APP: variants seen among roughly 807,000 people sequenced by gnomAD.
APP encodes the protein amyloid-beta precursor protein.
In APP, 31 loss-of-function variants were observed where a neutral mutation model predicts 101.4. That is an observed-to-expected ratio of 0.31 (90% CI 0.23 to 0.41). The LOEUF (loss-of-function observed/expected upper bound fraction) is 0.41. APP is among the 10% of genes least tolerant of loss of function. APP has a pLI of 1.00. For synonymous variants in APP, 366 were observed against 364.4 expected, an observed-to-expected ratio of 1.00 and a Z score of -0.05; for missense variants, 839 against 1,003.7, an observed-to-expected ratio of 0.84 and a Z score of 2.22.
At chr21:25,972,806 T>C (rs576390798) in intron 11 of APP, among the ~76,000 whole-genome samples, 22 of 151,334 alleles carry the variant, frequency 1.5e-4, no homozygotes, top group Non-Finnish European at 2.8e-4. Context: ...TGGGTAAACA[T>C]GTTGTTTTTT....
intron 13 of APP, among the ~76,000 whole-genome samples, chr21:25,946,939 G>A (rs2040848514): frequency 6.6e-6 from 1 of 152,098 alleles, no homozygotes; most frequent in Non-Finnish European, 1.5e-5. Context: ...CTGCCAGAAT[G>A]GTAGAGAGCG....
At chr21:26,161,929 G>A (rs1004577977) in intron 1 of APP, among the ~76,000 whole-genome samples, 16 of 151,428 alleles carry the variant, frequency 1.1e-4, no homozygotes, top group African/African-American at 3.9e-4. Flanking sequence ...TTTTTTGAAA[G>A]ATAAAAAAAT....
intron 13 of APP, among the ~76,000 whole-genome samples, chr21:25,949,070 C>T (rs2040953350): frequency 6.6e-6 from 1 of 152,028 alleles, no homozygotes; most frequent in Admixed American, 6.6e-5. Flanking sequence ...AAGAAATCTT[C>T]ATAATCTGCC....
chr21:26,112,517 A>G (rs942594069), intron 1 of APP, among the ~76,000 whole-genome samples: 4 of 152,232 alleles, frequency 2.6e-5, no homozygotes, highest in Non-Finnish European at 5.9e-5. Context: ...GCATTCTTAT[A>G]ATAAACTCCA....
chr21:26,131,830 ACT>A (rs1206310222), intron 1 of APP, among the ~76,000 whole-genome samples: 1 of 151,744 alleles, frequency 6.6e-6, no homozygotes, highest in East Asian at 1.9e-4. Flanking sequence ...AAACCACAAA[ACT>A]CTACTTTGAC....
rs140468552 is a variant in APP at position 25,902,191 on chromosome 21, T to A, written c.1963+2833A>T. Among the ~76,000 whole-genome samples, 1,334 of 152,300 alleles carry A rather than the reference T, an allele frequency of 8.8e-3. 25 individuals carry two copies. The highest frequency in any genetic ancestry group is 0.031 in the African/African-American group (1,272 of 41,558). ...GGTGGGGGAAAAACAAAAACCTTTT[T>A]TTAACTTGTTTCTGAGGACAACAGT... On this transcript the variant is annotated intron_variant, in intron 15 of 17. Transcript: ENST00000346798.
At chr21:25,882,091 G>A (rs1298949416) in intron 17 of APP, among the ~76,000 whole-genome samples, 1 of 151,818 alleles carries the variant, frequency 6.6e-6, no homozygotes, top group Non-Finnish European at 1.5e-5. Context: ...CTCCCCTGTT[G>A]GGTCCATAAA....
chr21:26,041,850 AG>A (rs11319718), intron 5 of APP, among the ~76,000 whole-genome samples: 152,272 of 152,272 alleles, frequency 1, 76,136 homozygotes, highest in Non-Finnish European at 1. Context: ...TTTCTAAATA[AG>A]GACCTCAAAA....
intron 16 of APP, among the ~76,000 whole-genome samples, chr21:25,897,256 GTGTT>G (rs2038122359): frequency 6.6e-6 from 1 of 152,078 alleles, no homozygotes; most frequent in African/African-American, 2.4e-5. Context: ...GGGACTACAG[GTGTT>G]TGCCACCACA....
At chr21:25,985,373 A>G (rs1196490225) in intron 8 of APP, among the ~76,000 whole-genome samples, 1 of 152,168 alleles carries the variant, frequency 6.6e-6, no homozygotes, top group Non-Finnish European at 1.5e-5. Flanking sequence ...GCACTCAGTA[A>G]AGTAAATCAC....
intron 14 of APP, among the ~76,000 whole-genome samples, chr21:25,911,057 G>C (rs2039045886): frequency 1.3e-5 from 2 of 152,140 alleles, no homozygotes; most frequent in African/African-American, 4.8e-5. Flanking sequence ...TTCCATTCCA[G>C]AGGGAACAAT....
At chr21:26,073,328 A>G (rs1816766164) in intron 3 of APP, among the ~76,000 whole-genome samples, 1 of 152,210 alleles carries the variant, frequency 6.6e-6, no homozygotes, top group South Asian at 2.1e-4. Context: ...AAAGAAAATC[A>G]GAAGCAGCAG....
At chr21:26,061,711 A>G (rs2046270361) in intron 3 of APP, among the ~76,000 whole-genome samples, 1 of 152,362 alleles carries the variant, frequency 6.6e-6, no homozygotes, top group African/African-American at 2.4e-5. Flanking sequence ...TGTAACTATT[A>G]CCGGATAATA....
intron 3 of APP, among the ~76,000 whole-genome samples, chr21:26,053,750 T>C (rs2145966864): frequency 6.6e-6 from 1 of 152,326 alleles, no homozygotes; most frequent in South Asian, 2.1e-4. Flanking sequence ...CTTTTCTTTC[T>C]TGGACATTTT....
chr21:25,887,602 G>C (rs1283280053), intron 17 of APP, among the ~76,000 whole-genome samples: 1 of 150,546 alleles, frequency 6.6e-6, no homozygotes, highest in East Asian at 2.0e-4. Flanking sequence ...ATACAGTTAT[G>C]GGCCACATAA....
At chr21:26,016,262 A>AC (rs1056304750) in intron 6 of APP, among the ~76,000 whole-genome samples, 1 of 152,088 alleles carries the variant, frequency 6.6e-6, no homozygotes, top group African/African-American at 2.4e-5. Context: ...CTAACTCCTG[A>AC]CCTCAGGTGA....
intron 13 of APP, among the ~76,000 whole-genome samples, chr21:25,928,285 C>G (rs535544830): frequency 2.0e-5 from 3 of 151,988 alleles, no homozygotes; most frequent in African/African-American, 4.8e-5. Flanking sequence ...GAGCTTGCAG[C>G]GAGCCAAGAT....
At chr21:26,156,108 G>A (rs1437467749) in intron 1 of APP, among the ~76,000 whole-genome samples, 1 of 151,856 alleles carries the variant, frequency 6.6e-6, no homozygotes, top group South Asian at 2.1e-4. Context: ...CCTTTATGCA[G>A]GCACTTGTGG....
In APP at chr21:26,170,556, G is replaced by A; in HGVS notation, c.57+8C>T. On this transcript the variant is annotated splice_region_variant and intron_variant, in intron 1 of 17. Coordinates refer to ENST00000346798, the MANE Select transcript of APP (RefSeq NM_000484.4). ...GCCTCCCCCCGCCTTCCGAGGCGCG[G>A]CACCCACCTCCAGCGCCCGAGCCGT... 1.3e-6 allele frequency: 2 copies of A among 1,537,562 alleles called. No individual in the cohort carries two copies. Among genetic ancestry groups the A allele is most frequent in the Non-Finnish European group, 1.7e-6 (2 of 1,146,144 alleles).
Sources: allele counts gnomAD v4.1 joint callset (sites outside exome capture counted in the v4.1 genomes callset), GRCh38; gene constraint gnomAD v4.1.1; transcripts MANE v1.5; gene names NCBI Gene and HGNC (gene_info 2026-07-23, HGNC 2026-07-21).